POU2F1: variants seen among roughly 807,000 people sequenced by gnomAD.
The protein encoded by POU2F1 is POU domain, class 2, transcription factor 1.
Under a neutral mutation model 84.9 loss-of-function variants are expected in POU2F1, and 16 were observed. The observed-to-expected ratio is 0.19, with a 90% confidence interval of 0.13 to 0.29. The LOEUF (loss-of-function observed/expected upper bound fraction) is 0.29. Ranked by LOEUF, POU2F1 falls within the 10% of genes least tolerant of loss-of-function variation. POU2F1 has a pLI of 1.00. For missense variants in POU2F1, 738 were observed against 942.6 expected (o/e 0.78, Z 2.84); for synonymous variants, 368 against 368.3 (o/e 1.00, Z 0.01).
At chr1:167,400,036 T>C (rs1649096174) in intron 12 of POU2F1, among the ~76,000 whole-genome samples, 1 of 123,190 alleles carries the variant, frequency 8.1e-6, no homozygotes. Context: ...CAGGCTGGAG[T>C]GCAATGGTAC....
intron 1 of POU2F1, among the ~76,000 whole-genome samples, chr1:167,237,786 T>A (rs1202197416): frequency 3.0e-5 from 4 of 131,732 alleles, no homozygotes; most frequent in Non-Finnish European, 6.5e-5. Flanking sequence ...TTTTTTTTTT[T>A]TTTTTTTTTT....
Position 167,371,927 on chromosome 1 carries a change from A to G in POU2F1, c.293A>G (p.Asn98Ser). The change falls in exon 5 of 16, where the codon AAT becomes AGT. Residue 98 changes from asparagine to serine, a missense_variant. Physicochemically the swap from Asn to Ser is conservative, Grantham distance 46. Coordinates refer to ENST00000367866, the MANE Select transcript of POU2F1 (RefSeq NM_002697.4). Reference protein sequence around the residue: ...AQSLNVQSKSNEESGDSQQPS... With the variant: ...AQSLNVQSKSSEESGDSQQPS... ...CCCACCCCACCTCAGTCTAAATCTA[A>G]TGAAGAATCGGGGGATTCGCAGCAG... 1 of 1,614,192 alleles carries G rather than the reference A, an allele frequency of 6.2e-7. No individual in the cohort carries two copies.
At chr1:167,389,860 G>A in intron 9 of POU2F1, 99 bp downstream of exon 9, 1 of 1,367,278 alleles carries the variant, frequency 7.3e-7, no homozygotes, top group East Asian at 2.5e-5. Flanking sequence ...GATTCAACTA[G>A]TCCAAAATAT....
rs776600527 is a variant in POU2F1, at chr1:167,419,237, C to T, written c.*3427C>T. 3.9e-5 allele frequency: 6 copies of T among 152,120 alleles called. No homozygotes were observed. Among genetic ancestry groups the T allele is most frequent in the Non-Finnish European group, 7.3e-5 (5 of 68,034 alleles). 9.4% of individuals were successfully genotyped at this position (152,120 alleles called of 1,614,324 possible). A position where few individuals can be genotyped will look rare whatever the true frequency, so the allele number is the denominator to read the frequency against. ...CCTGGAAACTAAAGGGGACCAGGGA[C>T]CATTTGACCAAAAGAGGTGTTTGGT... On this transcript the variant is annotated 3_prime_UTR_variant, in exon 16 of 16. Coordinates refer to ENST00000367866, the MANE Select transcript of POU2F1 (RefSeq NM_002697.4).
intron 1 of POU2F1, among the ~76,000 whole-genome samples, chr1:167,234,016 A>G (rs1649268642): frequency 6.6e-6 from 1 of 152,228 alleles, no homozygotes; most frequent in Non-Finnish European, 1.5e-5. Flanking sequence ...CGAGGCTTAA[A>G]GAGGCTAAGT....
At chr1:167,269,410 C>G (rs1190210794) in intron 1 of POU2F1, among the ~76,000 whole-genome samples, 1 of 152,018 alleles carries the variant, frequency 6.6e-6, no homozygotes, top group Non-Finnish European at 1.5e-5. Context: ...TAGTTTACAG[C>G]AAAGAATAAA....
intron 1 of POU2F1, among the ~76,000 whole-genome samples, chr1:167,249,189 A>T (rs932519247): frequency 6.6e-6 from 1 of 152,134 alleles, no homozygotes; most frequent in Non-Finnish European, 1.5e-5. Context: ...CTCATCTCCA[A>T]GCTTTCCCTA....
chr1:167,258,138 C>T (rs1651286338), intron 1 of POU2F1, among the ~76,000 whole-genome samples: 1 of 152,154 alleles, frequency 6.6e-6, no homozygotes, highest in Non-Finnish European at 1.5e-5. Flanking sequence ...AGCTGATTCT[C>T]ATGCCCCCAC....
intron 8 of POU2F1, among the ~76,000 whole-genome samples, chr1:167,386,655 A>G (rs1434178453): frequency 6.6e-6 from 1 of 152,240 alleles, no homozygotes; most frequent in East Asian, 1.9e-4. Context: ...ACTAGGTAAC[A>G]TAAGCTTTAG....
intron 5 of POU2F1, among the ~76,000 whole-genome samples, chr1:167,372,997 A>G (rs1660106373): frequency 6.6e-6 from 1 of 151,828 alleles, no homozygotes; most frequent in South Asian, 2.1e-4. Context: ...CTGTTTTAAG[A>G]ACTGTTGCAA....
At chr1:167,373,812 G>A (rs1660156082) in intron 5 of POU2F1, among the ~76,000 whole-genome samples, 2 of 151,836 alleles carry the variant, frequency 1.3e-5, no homozygotes, top group Non-Finnish European at 1.5e-5. Context: ...TATCTTGTCA[G>A]TGGTGATTCT....
intron 1 of POU2F1, among the ~76,000 whole-genome samples, chr1:167,284,892 G>A (rs1653409589): frequency 1.3e-5 from 2 of 152,308 alleles, no homozygotes; most frequent in East Asian, 3.9e-4. Context: ...AACCTTGTGA[G>A]TAGAACTGTT....
intron 1 of POU2F1, among the ~76,000 whole-genome samples, chr1:167,237,413 T>C (rs1649547518): frequency 6.6e-6 from 1 of 152,208 alleles, no homozygotes; most frequent in Admixed American, 6.5e-5. Context: ...AACAGCCCTG[T>C]TGGTCTTGTT....
chr1:167,243,212 G>C (rs1263951782), intron 1 of POU2F1, among the ~76,000 whole-genome samples: 1 of 152,192 alleles, frequency 6.6e-6, no homozygotes, highest in Non-Finnish European at 1.5e-5. Context: ...CCAGTAGCTT[G>C]ATTCCTTCAA....
intron 1 of POU2F1, among the ~76,000 whole-genome samples, chr1:167,260,094 G>A (rs1053463051): frequency 8.5e-5 from 13 of 152,100 alleles, no homozygotes; most frequent in African/African-American, 2.9e-4. Context: ...TAGCCAGGAT[G>A]GTCTCGATCT....
chr1:167,324,116 A>G (rs1025968189), intron 1 of POU2F1, among the ~76,000 whole-genome samples: 1 of 152,242 alleles, frequency 6.6e-6, no homozygotes, highest in Non-Finnish European at 1.5e-5. Context: ...ACTAAAAAAT[A>G]CTGAATTAGA....
Position 167,426,028 on chromosome 1 carries a change from G to A in POU2F1, c.*10218G>A, listed in dbSNP as rs1487250689. 1 of 142,648 alleles carries A rather than the reference G, an allele frequency of 7.0e-6. No individual in the cohort carries two copies. Among genetic ancestry groups the A allele is most frequent in the Non-Finnish European group, 1.5e-5 (1 of 65,096 alleles). The allele number at this position is 142,648 out of a possible 1,614,324, so 8.8% of individuals were successfully genotyped here. On this transcript the variant is annotated 3_prime_UTR_variant, in exon 16 of 16. Coordinates refer to ENST00000367866, the MANE Select transcript of POU2F1 (RefSeq NM_002697.4). ...TTTTTAATCTCAGTTGGTTGGGGGA[G>A]GGGGGTACTTGGTTCTTGGGTCACA...
chr1:167,346,979 G>A (rs973579938), intron 2 of POU2F1, among the ~76,000 whole-genome samples: 1 of 152,164 alleles, frequency 6.6e-6, no homozygotes, highest in African/African-American at 2.4e-5. Context: ...TAAAAAATGA[G>A]CAGTAGCTAA....
At chr1:167,344,959 GA>G (rs1417461536) in intron 2 of POU2F1, among the ~76,000 whole-genome samples, 3 of 152,122 alleles carry the variant, frequency 2.0e-5, no homozygotes, top group Admixed American at 2.0e-4. Context: ...AACTAACACA[GA>G]AACAGAAAAC....
Sources: gnomAD v4.1 joint callset for allele counts (sites outside exome capture counted in the v4.1 genomes callset) on GRCh38, gnomAD v4.1.1 for gene constraint, MANE v1.5 for transcripts, NCBI Gene and HGNC (gene_info 2026-07-23, HGNC 2026-07-21) for gene names.